Variants in ADAMTS14 observed in about 807,000 individuals in gnomAD.
ADAMTS14 encodes A disintegrin and metalloproteinase with thrombospondin motifs 14.
A neutral mutation model predicts 128.6 loss-of-function variants in ADAMTS14; 100 were observed. That is an observed-to-expected ratio of 0.78 (90% CI 0.66 to 0.92). ADAMTS14 has a LOEUF of 0.92. ADAMTS14 is among the 40% of genes least tolerant of loss of function. The pLI is 0.00. For missense variants in ADAMTS14, 1,562 were observed against 1,658.6 expected (o/e 0.94, Z 1.01); for synonymous variants, 665 against 653.8 (o/e 1.02, Z -0.26).
Position 70,761,904 on chromosome 10 carries a change from C to G in ADAMTS14, c.*1051C>G, listed in dbSNP as rs1157791114. The G allele has an allele frequency of 6.6e-6, 1 of 152,568 alleles. No individual in the cohort carries two copies. The highest frequency in any genetic ancestry group is 1.9e-4 in the East Asian group (1 of 5,198). 9.5% of individuals were successfully genotyped at this position (152,568 alleles called of 1,614,324 possible). On this transcript the variant is annotated 3_prime_UTR_variant, in exon 22 of 22. Transcript: ENST00000373207. ...ACTGAGGACCAGAGTCCACTCATAG[C>G]CTGGCCCTGGAGATGACAAGGGCCA...
chr10:70,732,178 TG>T, intron 6 of ADAMTS14, 75 bp from the exon 7 acceptor site: 1 of 1,273,604 alleles, frequency 7.9e-7, no homozygotes, highest in Non-Finnish European at 1.1e-6. Context: ...AGGGCTGGGC[TG>T]GGCACAGACC....
rs1408972829 is a variant in ADAMTS14, at chr10:70,691,501, A to AC, written c.523-10811_523-10810insC. ...TGAGACCCTGTTAAAAAAAAAAAAA[A>AC]AAAAAAAACAAAGAAAAAAACAAAA... On this transcript the variant is annotated intron_variant, in intron 2 of 21. Coordinates refer to ENST00000373207, the MANE Select transcript of ADAMTS14 (RefSeq NM_080722.4). Among the ~76,000 whole-genome samples the AC allele has an allele frequency of 7.4e-5, 9 of 121,238 alleles. 2 individuals are homozygous for AC. Among genetic ancestry groups the AC allele is most frequent in the African/African-American group, 1.9e-4 (7 of 37,218 alleles). 79.5% of individuals were successfully genotyped at this position (121,238 alleles called of 152,430 possible). A position where few individuals can be genotyped will look rare whatever the true frequency, so the allele number is the denominator to read the frequency against.
chr10:70,697,137 G>A (rs573995465), intron 2 of ADAMTS14, among the ~76,000 whole-genome samples: 2 of 152,340 alleles, frequency 1.3e-5, no homozygotes, highest in South Asian at 4.1e-4. Context: ...TTGGCTGAGA[G>A]GTGGCCTGCT....
intron 2 of ADAMTS14, among the ~76,000 whole-genome samples, chr10:70,687,333 G>C (rs1840004895): frequency 2.2e-5 from 2 of 91,528 alleles, no homozygotes; most frequent in African/African-American, 3.6e-5. Context: ...CCGGGCGGGG[G>C]GCCGACCCCC....
intron 18 of ADAMTS14, among the ~76,000 whole-genome samples, chr10:70,752,533 G>A (rs1008582447): frequency 2.0e-5 from 3 of 152,180 alleles, no homozygotes; most frequent in African/African-American, 7.2e-5. Context: ...GATGACCTTG[G>A]GATTATTTAG....
intron 6 of ADAMTS14, among the ~76,000 whole-genome samples, chr10:70,731,592 C>T (rs1841640871): frequency 6.6e-6 from 1 of 152,194 alleles, no homozygotes; most frequent in Non-Finnish European, 1.5e-5. Context: ...CCTGCCTGCA[C>T]CTTGGCCTGT....
intron 21 of ADAMTS14, 128 bp from the exon 22 acceptor site, chr10:70,760,232 C>A: frequency 7.8e-7 from 1 of 1,286,820 alleles, no homozygotes; most frequent in East Asian, 2.5e-5. Context: ...TGAGAAAAAG[C>A]TTTATAGTGG....
chr10:70,678,232 T>C (rs1339066002), intron 2 of ADAMTS14, among the ~76,000 whole-genome samples: 1 of 152,254 alleles, frequency 6.6e-6, no homozygotes, highest in Non-Finnish European at 1.5e-5. Flanking sequence ...TTTTGCTTCC[T>C]TCAATCTTCT....
rs1436283004 is a variant in ADAMTS14, at chr10:70,736,661, C to T, written c.1486-19C>T. Reference sequence around the variant, plus strand: ...AAAGAGCCAGTCCAGTCTGGTGACCCCATTCCCTTGCCATGCAGTTCAGGA... The same window carrying T: ...AAAGAGCCAGTCCAGTCTGGTGACCTCATTCCCTTGCCATGCAGTTCAGGA... On this transcript the variant is annotated intron_variant, in intron 9 of 21. Transcript: ENST00000373207. 5 of 1,610,564 alleles carry T rather than the reference C, an allele frequency of 3.1e-6. No homozygotes were observed. The highest frequency in any genetic ancestry group is 3.4e-6 in the Non-Finnish European group (4 of 1,177,594).
At chr10:70,741,484 G>A (rs1336762736) in intron 12 of ADAMTS14, among the ~76,000 whole-genome samples, 1 of 152,202 alleles carries the variant, frequency 6.6e-6, no homozygotes, top group Non-Finnish European at 1.5e-5. Context: ...CAGCAGTGTT[G>A]GCTGTTAGGG....
chr10:70,756,675 C>G (rs1465086196), intron 19 of ADAMTS14, among the ~76,000 whole-genome samples: 3 of 152,194 alleles, frequency 2.0e-5, no homozygotes, highest in African/African-American at 7.2e-5. Context: ...CAAGCTCTGA[C>G]TGGTGAGTGA....
intron 21 of ADAMTS14, among the ~76,000 whole-genome samples, chr10:70,758,877 T>C (rs905101872): frequency 6.6e-6 from 1 of 152,206 alleles, no homozygotes; most frequent in Non-Finnish European, 1.5e-5. Flanking sequence ...CGGATAGATA[T>C]TTACTGAGCA....
At chr10:70,683,075 A>G (rs915734594) in intron 2 of ADAMTS14, among the ~76,000 whole-genome samples, 1 of 152,130 alleles carries the variant, frequency 6.6e-6, no homozygotes, top group African/African-American at 2.4e-5. Context: ...GCACACTGCC[A>G]TTTGCCCTCC....
chr10:70,734,122 C>A, intron 8 of ADAMTS14, 94 bp downstream of exon 8: 4 of 1,499,234 alleles, frequency 2.7e-6, no homozygotes, highest in South Asian at 1.3e-5. Context: ...CCCCACGTTG[C>A]CCCTGGCTTG....
At chr10:70,687,857 C>CG (rs1840028781) in intron 2 of ADAMTS14, among the ~76,000 whole-genome samples, 1 of 61,966 alleles carries the variant, frequency 1.6e-5, no homozygotes, top group Admixed American at 1.4e-4. Flanking sequence ...GCTGGCCGGG[C>CG]GGGGGGCTGA....
At position 70,736,617 on chromosome 10, in the gene ADAMTS14, C is replaced by T. The variant is rs919665755; in HGVS notation, c.1486-63C>T. On this transcript the variant is annotated intron_variant, in intron 9 of 21. Coordinates refer to ENST00000373207, the MANE Select transcript of ADAMTS14 (RefSeq NM_080722.4). ...ATCACACCCTCTTTTCTCTCCATCA[C>T]TACCCTTTGTTCTTGGACAAAGAGC... is the stretch of plus-strand genomic sequence containing the variant. The T allele has an allele frequency of 7.4e-6, 11 of 1,492,700 alleles. No homozygotes were observed. The Admixed American group carries it at 9.0e-5, about 12-fold the overall frequency. The allele number at this position is 1,492,700 out of a possible 1,614,324, so 92.5% of individuals were successfully genotyped here.
chr10:70,686,773 C>A (rs1164401992), intron 2 of ADAMTS14, among the ~76,000 whole-genome samples: 1 of 59,234 alleles, frequency 1.7e-5, no homozygotes, highest in East Asian at 8.2e-4. Flanking sequence ...CCATTGTCAT[C>A]CTGGCCCGTT....
chr10:70,723,707 G>A (rs1841342990), intron 4 of ADAMTS14, among the ~76,000 whole-genome samples: 1 of 152,162 alleles, frequency 6.6e-6, no homozygotes, highest in Admixed American at 6.5e-5. Context: ...TTTCAGCACT[G>A]GCCTCCACCT....
Position 70,744,095 on chromosome 10 carries a change from C to T in ADAMTS14, c.2088C>T (p.Ser696=). The T allele has an allele frequency of 6.4e-7, 1 of 1,565,524 alleles. No homozygotes were observed. The highest frequency in any genetic ancestry group is 1.2e-5 in the South Asian group (1 of 84,826). Residue 696 remains serine (S), a synonymous_variant, in exon 14 of 22, where the codon TCC becomes TCT. Transcript: ENST00000373207. The part of the protein sequence containing the change: ...VPVGCDKEVG[S]MKADDKCGVC... ...TCGGCTGTGACAAGGAGGTGGGGTCCATGAAGGCGGATGACAAGTGTGGAG... is the reference window on the plus strand; with the variant it reads ...TCGGCTGTGACAAGGAGGTGGGGTCTATGAAGGCGGATGACAAGTGTGGAG...
Sources: gnomAD v4.1 joint callset for allele counts (sites outside exome capture counted in the v4.1 genomes callset) on GRCh38, gnomAD v4.1.1 for gene constraint, MANE v1.5 for transcripts, NCBI Gene and HGNC (gene_info 2026-07-23, HGNC 2026-07-21) for gene names.